The following GRID1 variants were observed in gnomAD, a reference collection of about 807,000 sequenced individuals.
GRID1 encodes glutamate ionotropic receptor delta type subunit 1.
In GRID1, 28 loss-of-function variants were observed where a neutral mutation model predicts 98.0. The observed-to-expected ratio is 0.29, with a 90% CI of 0.21 to 0.39. The LOEUF is 0.39. GRID1 is among the 10% of genes least tolerant of loss of function. The pLI is 1.00. For synonymous variants in GRID1, 553 were observed against 538.5 expected (o/e 1.03, Z -0.37); for missense variants, 1,111 against 1,340.5 (o/e 0.83, Z 2.67).
intron 8 of GRID1, among the ~76,000 whole-genome samples, chr10:85,795,699 C>T (rs1336043422): frequency 7.2e-5 from 11 of 152,176 alleles, no homozygotes; most frequent in Non-Finnish European, 1.5e-5. Flanking sequence ...CGAATCCTGG[C>T]ACCCATAATG....
intron 5 of GRID1, among the ~76,000 whole-genome samples, chr10:85,905,410 C>T (rs1841446104): frequency 6.6e-6 from 1 of 151,660 alleles, no homozygotes; most frequent in Admixed American, 6.6e-5. Flanking sequence ...AGAAATGATA[C>T]CAGATCAAAC....
intron 12 of GRID1, among the ~76,000 whole-genome samples, chr10:85,672,441 G>A (rs543604296): frequency 9.2e-5 from 14 of 152,230 alleles, no homozygotes; most frequent in African/African-American, 3.4e-4. Flanking sequence ...CTGAGTAGCT[G>A]GGACTACAGG....
At chr10:86,109,985 T>G (rs1483451795) in intron 4 of GRID1, among the ~76,000 whole-genome samples, 1 of 151,688 alleles carries the variant, frequency 6.6e-6, no homozygotes, top group Non-Finnish European at 1.5e-5. Flanking sequence ...TTTTTTTTTT[T>G]TTTTTGAGGG....
intron 13 of GRID1, among the ~76,000 whole-genome samples, chr10:85,634,249 C>CCT (rs775506130): frequency 0.03 from 2,766 of 92,258 alleles, 82 homozygotes; most frequent in East Asian, 0.039. Flanking sequence ...TGATGGGGCA[C>CCT]CTCTCTCTCT....
chr10:85,689,249 G>T (rs930185349), intron 12 of GRID1, among the ~76,000 whole-genome samples: 1 of 152,114 alleles, frequency 6.6e-6, no homozygotes. Context: ...GTACAGATAG[G>T]CTAATAAGGA....
At chr10:86,070,111 G>A (rs970471659) in intron 4 of GRID1, among the ~76,000 whole-genome samples, 1 of 152,202 alleles carries the variant, frequency 6.6e-6, no homozygotes, top group African/African-American at 2.4e-5. Context: ...GATGTGGAAT[G>A]GAAAGCCGAT....
chr10:85,633,280 A>C, intron 13 of GRID1, among the ~76,000 whole-genome samples: 1 of 152,152 alleles, frequency 6.6e-6, no homozygotes, highest in Admixed American at 6.5e-5. Flanking sequence ...ACTTGGTATT[A>C]TTATTCTTAT....
chr10:85,865,887 T>C (rs1159807604), intron 6 of GRID1, among the ~76,000 whole-genome samples: 1 of 135,488 alleles, frequency 7.4e-6, no homozygotes, highest in Non-Finnish European at 1.5e-5. Flanking sequence ...CAGAGATTCC[T>C]TTAATAAAGT....
chr10:86,142,113 T>A (rs973053848), intron 3 of GRID1, among the ~76,000 whole-genome samples: 1 of 152,198 alleles, frequency 6.6e-6, no homozygotes, highest in Non-Finnish European at 1.5e-5. Context: ...GCTGGAGGAA[T>A]GTGGGGACAC....
At chr10:86,114,599 C>A (rs1844544635) in intron 4 of GRID1, among the ~76,000 whole-genome samples, 1 of 152,152 alleles carries the variant, frequency 6.6e-6, no homozygotes, top group Admixed American at 6.5e-5. Context: ...TCAGGCAGCT[C>A]CCCTCAGACT....
chr10:86,322,860 G>A (rs12221286), intron 2 of GRID1, among the ~76,000 whole-genome samples: 78,758 of 151,116 alleles, frequency 0.52, 23,752 homozygotes, highest in Non-Finnish European at 0.67. Context: ...GGGAGGCCAA[G>A]GCAGGCAGAT....
rs183948990 is a variant in GRID1, at chr10:85,810,300, C to T, written c.1233+44196G>A. ...CACATGGGTGGCTGTAACACCATGACCCCAGCTGCTCAGAGCCTGGGCCCA... is the reference window on the plus strand; with the variant it reads ...CACATGGGTGGCTGTAACACCATGATCCCAGCTGCTCAGAGCCTGGGCCCA... On this transcript the variant is annotated intron_variant, in intron 8 of 15. Transcript: ENST00000327946. Among the ~76,000 whole-genome samples the T allele has an allele frequency of 3.7e-4, 56 of 152,336 alleles. No individual in the cohort carries two copies. In the East Asian group the frequency reaches 8.3e-3, roughly 23 times the overall value.
chr10:85,835,915 A>G (rs1457436149), intron 8 of GRID1, among the ~76,000 whole-genome samples: 4 of 152,224 alleles, frequency 2.6e-5, no homozygotes, highest in Non-Finnish European at 1.5e-5. Context: ...GAAAGTAACA[A>G]TAAAGTTTTA....
chr10:86,364,058 C>T lies in GRID1; in HGVS notation c.118G>A (p.Val40Met), dbSNP rs773050428. The T allele has an allele frequency of 6.2e-7, 1 of 1,613,996 alleles. No homozygotes were observed. Among genetic ancestry groups the T allele is most frequent in the East Asian group, 2.2e-5 (1 of 44,874 alleles). The change falls in exon 2 of 16, where the codon GTG (valine) becomes ATG (methionine). Residue 40 changes from valine (V) to methionine (M), a missense_variant. By Grantham distance (21) the Val-to-Met change is conservative. Around this residue, in one of 3 missense-constraint regions of GRID1, gnomAD observed 346 missense variants for 452.3 expected, o/e 0.76. Coordinates refer to ENST00000327946, the MANE Select transcript of GRID1 (RefSeq NM_017551.3). Reference protein sequence around the residue: ...FEENAAKDDRVFQLAVSDLSL... With the variant: ...FEENAAKDDRMFQLAVSDLSL... ...AGGTCGGATACCGCCAACTGGAACA[C>T]CCTGTCGTCCTTGGCCGCGTTCTCC... is the stretch of plus-strand genomic sequence containing the variant.
chr10:86,004,221 C>G (rs1842833120), intron 4 of GRID1, among the ~76,000 whole-genome samples: 4 of 152,202 alleles, frequency 2.6e-5, no homozygotes, highest in Admixed American at 2.6e-4. Context: ...GTAATCCTGC[C>G]TCTGCAGAAA....
intron 2 of GRID1, among the ~76,000 whole-genome samples, chr10:86,340,680 CTT>C (rs1032885541): frequency 2.6e-5 from 4 of 152,182 alleles, no homozygotes; most frequent in African/African-American, 9.7e-5. Flanking sequence ...GCATGAATAA[CTT>C]TGATACAACC....
intron 12 of GRID1, among the ~76,000 whole-genome samples, chr10:85,693,119 TATAATAAACTAAGTAGTCATCAAG>T (rs566548847): frequency 0.01 from 1,527 of 152,256 alleles, 30 homozygotes; most frequent in African/African-American, 0.034. Context: ...AGGAGGTTGG[TATAATAAACTAAGTAGTCATCAAG>T]ATAATAAACT....
At chr10:85,756,733 T>TGAAAACTGAAACCGC (rs1166840637) in intron 8 of GRID1, among the ~76,000 whole-genome samples, 5 of 152,194 alleles carry the variant, frequency 3.3e-5, no homozygotes, top group Non-Finnish European at 5.9e-5. Context: ...ACTGAAACCA[T>TGAAAACTGAAACCGC]GAAAACTGAA....
At chr10:85,736,767 G>T (rs1387570177) in intron 8 of GRID1, among the ~76,000 whole-genome samples, 1 of 152,140 alleles carries the variant, frequency 6.6e-6, no homozygotes, top group Non-Finnish European at 1.5e-5. Context: ...TCTTGAATCA[G>T]CTTGATTTGG....
Sources: allele counts gnomAD v4.1 joint callset (sites outside exome capture counted in the v4.1 genomes callset), GRCh38; gene constraint gnomAD v4.1.1; regional missense constraint gnomAD v4.1.1; transcripts MANE v1.5; gene names NCBI Gene and HGNC (gene_info 2026-07-23, HGNC 2026-07-21).